The following ARK2C variants were observed in gnomAD, a reference collection of about 807,000 sequenced individuals.
ARK2C encodes the protein E3 ubiquitin-protein ligase ARK2C.
the ARK2C span, chr18:46,447,411 AAG>A: frequency 2.5e-6 from 2 of 788,760 alleles, no homozygotes; most frequent in East Asian, 2.5e-5. Context: ...CTTCCCTCTG[AAG>A]AGAGAGGAAA....
chr18:46,373,168 A>G, the ARK2C span, among the ~76,000 whole-genome samples: 7 of 152,224 alleles, frequency 4.6e-5, no homozygotes, highest in African/African-American at 1.7e-4. Flanking sequence ...CTCCTGCCCC[A>G]TTCTCTAGGC....
At chr18:46,430,154 A>C in the ARK2C span, among the ~76,000 whole-genome samples, 1 of 152,090 alleles carries the variant, frequency 6.6e-6, no homozygotes, top group Non-Finnish European at 1.5e-5. Flanking sequence ...TGAGAAGGTT[A>C]ATTTTTTTTG....
chr18:46,456,466 C>T, the ARK2C span: 1 of 1,315,424 alleles, frequency 7.6e-7, no homozygotes. Context: ...CCCTGCTCCG[C>T]TCAGTGTCCC....
chr18:46,447,684 A>T, the ARK2C span: 1 of 1,614,006 alleles, frequency 6.2e-7, no homozygotes. Context: ...CTCCTCCTCC[A>T]CACAGATGGT....
chr18:46,429,014 C>A, the ARK2C span, among the ~76,000 whole-genome samples: 1 of 152,196 alleles, frequency 6.6e-6, no homozygotes, highest in Admixed American at 6.5e-5. Flanking sequence ...CTCTGTCACA[C>A]TGGCAGTCTC....
the ARK2C span, chr18:46,462,803 C>G: frequency 2.6e-5 from 4 of 152,558 alleles, no homozygotes; most frequent in African/African-American, 9.6e-5. Flanking sequence ...CCACCCCTGG[C>G]CTCGGATGCG....
the ARK2C span, among the ~76,000 whole-genome samples, chr18:46,391,336 GGCCAAATGGGACGACATTACA>G: frequency 6.6e-6 from 1 of 152,112 alleles, no homozygotes; most frequent in Non-Finnish European, 1.5e-5. Flanking sequence ...GCTCTCTGTT[GGCCAAATGGGACGACATTACA>G]GCTCTTTCAG....
the ARK2C span, among the ~76,000 whole-genome samples, chr18:46,362,343 G>A: frequency 1.3e-5 from 2 of 152,194 alleles, no homozygotes; most frequent in East Asian, 1.9e-4. Flanking sequence ...TGCTAGGTGA[G>A]TGTTTCAGGA....
the ARK2C span, among the ~76,000 whole-genome samples, chr18:46,420,079 C>A: frequency 6.6e-6 from 1 of 152,196 alleles, no homozygotes; most frequent in Non-Finnish European, 1.5e-5. Context: ...TATCCACTCA[C>A]TGATGTGATC....
chr18:46,342,900 G>A, the ARK2C span, among the ~76,000 whole-genome samples: 1 of 152,128 alleles, frequency 6.6e-6, no homozygotes, highest in Admixed American at 6.5e-5. Flanking sequence ...TTGTTTTTTG[G>A]GGGGGAGTGG....
At chr18:46,378,403 G>T in the ARK2C span, among the ~76,000 whole-genome samples, 1 of 152,134 alleles carries the variant, frequency 6.6e-6, no homozygotes, top group African/African-American at 2.4e-5. Context: ...TTCAGCCTGG[G>T]GCATGTCCTC....
chr18:46,343,178 G>A, the ARK2C span, among the ~76,000 whole-genome samples: 1 of 152,182 alleles, frequency 6.6e-6, no homozygotes, highest in Non-Finnish European at 1.5e-5. Context: ...GTAGTGAGTG[G>A]ATCAGGTGTG....
At chr18:46,439,854 C>G in the ARK2C span, among the ~76,000 whole-genome samples, 2 of 152,006 alleles carry the variant, frequency 1.3e-5, no homozygotes, top group African/African-American at 4.8e-5. Flanking sequence ...TTTTTTGAGA[C>G]GGAGTCTCGC....
At chr18:46,433,337 C>T in the ARK2C span, 1 of 1,612,524 alleles carries the variant, frequency 6.2e-7, no homozygotes, top group East Asian at 2.2e-5. Flanking sequence ...CACATGGCCC[C>T]GGCCCACCAG....
the ARK2C span, among the ~76,000 whole-genome samples, chr18:46,440,905 T>C: frequency 2.0e-5 from 3 of 152,178 alleles, no homozygotes; most frequent in Admixed American, 2.0e-4. Flanking sequence ...TTTATATCAG[T>C]GCACTGCTTG....
At chr18:46,435,484 C>T in the ARK2C span, 1 of 1,053,802 alleles carries the variant, frequency 9.5e-7, no homozygotes, top group South Asian at 1.3e-5. Flanking sequence ...TGTTTTCCTT[C>T]ACTTTGAATG....
chr18:46,355,826 C>T, the ARK2C span, among the ~76,000 whole-genome samples: 9 of 152,224 alleles, frequency 5.9e-5, no homozygotes, highest in Non-Finnish European at 4.4e-5. Context: ...GCATGGCACC[C>T]CTGTGCCTGG....
At chr18:46,433,080 T>G in the ARK2C span, 3 of 728,464 alleles carry the variant, frequency 4.1e-6, no homozygotes, top group East Asian at 8.3e-5. Context: ...TGTGTCCTAA[T>G]GTAGGTCTTG....
the ARK2C span, among the ~76,000 whole-genome samples, chr18:46,368,901 G>C: frequency 6.6e-6 from 1 of 152,208 alleles, no homozygotes; most frequent in Non-Finnish European, 1.5e-5. Context: ...AGTACACATA[G>C]TGTTTAGAAC....
Sources: gnomAD v4.1 joint callset for allele counts (sites outside exome capture counted in the v4.1 genomes callset) on GRCh38, gnomAD v4.1.1 for gene constraint, MANE v1.5 for transcripts, NCBI Gene and HGNC (gene_info 2026-07-23, HGNC 2026-07-21) for gene names.